The following ARHGAP33 variants were observed in gnomAD, a reference collection of about 807,000 sequenced individuals.
ARHGAP33 encodes the protein Rho GTPase activating protein 33.
Under a neutral mutation model 126.2 loss-of-function variants are expected in ARHGAP33, and 57 were observed. The ratio of observed to expected loss-of-function variants is 0.45; its 90% CI spans 0.36 to 0.56. The LOEUF (loss-of-function observed/expected upper bound fraction) is 0.56. Ranked by LOEUF, ARHGAP33 falls within the 20% of genes least tolerant of loss-of-function variation. ARHGAP33 has a pLI of 0.00. For missense variants in ARHGAP33, 1,500 were observed against 1,748.3 expected (o/e 0.86, Z 2.53); for synonymous variants, 711 against 755.0 (o/e 0.94, Z 0.95).
Position 35,787,786 on chromosome 19 carries a change from G to C in ARHGAP33, c.3221G>C (p.Gly1074Ala). Residue 1074 changes from glycine to alanine, a missense_variant, in exon 21 of 21, where the codon GGC (glycine) becomes GCC (alanine). Physicochemically the swap from Gly to Ala is moderately conservative, Grantham distance 60. Around this residue, in one of 6 missense-constraint regions of ARHGAP33, gnomAD observed 642 missense variants for 634.0 expected, o/e 1.01. Transcript: ENST00000007510. ...GCCCCAGTCTGGAGGAGCTCTCTGG[G>C]CCCCCCTGCACCACTCGACAGGGGA... ...SPAPVWRSSL[G>A]PPAPLDRGEN... is the part of the protein sequence containing the mutation. 1.9e-6 allele frequency: 3 copies of C among 1,582,470 alleles called. No individual in the cohort carries two copies. Among genetic ancestry groups the C allele is most frequent in the Non-Finnish European group, 2.6e-6 (3 of 1,169,116 alleles).
At chr19:35,785,865 A>G (rs120960) in intron 19 of ARHGAP33, 670,933 of 1,134,302 alleles carry the variant, frequency 0.59, 202,015 homozygotes, top group East Asian at 0.87. Flanking sequence ...CTTGCTTTCC[A>G]GGTCTGATCA....
At chr19:35,780,096 G>C (rs1486190818) in intron 6 of ARHGAP33, 115 bp from the exon 7 acceptor site, 1 of 1,413,820 alleles carries the variant, frequency 7.1e-7, no homozygotes, top group African/African-American at 1.4e-5. Context: ...AGCTCTGAGT[G>C]ACAGGGGCTC....
At position 35,784,446 on chromosome 19, in the gene ARHGAP33, A is replaced by T. The variant is rs2146730635; in HGVS notation, c.1567+129A>T. The T allele has an allele frequency of 2.1e-6, 3 of 1,413,730 alleles. No individual in the cohort carries two copies. The South Asian group carries it at 4.7e-5, about 22-fold the overall frequency. The allele number at this position is 1,413,730 out of a possible 1,614,324, so 87.6% of individuals were successfully genotyped here. ...TGGGCCTCCCTCCGGCTCCTTGAGG[A>T]TCCCGCCCCGGCCTCTCCCTCCCCG... On this transcript the variant is annotated intron_variant, in intron 16 of 20. Transcript: ENST00000007510.
intron 6 of ARHGAP33, chr19:35,779,832 C>A: frequency 2.2e-6 from 1 of 446,336 alleles, no homozygotes; most frequent in Non-Finnish European, 4.5e-6. Flanking sequence ...GCTCACCCTC[C>A]CAAAGTGCTG....
chr19:35,787,655 C>T lies in ARHGAP33; in HGVS notation c.3090C>T (p.Pro1030=), dbSNP rs199649209. 2.6e-4 allele frequency: 422 copies of T among 1,593,088 alleles called. No homozygotes were observed. The highest frequency in any genetic ancestry group is 1.6e-3 in the Admixed American group (84 of 52,646). ...CTGTCCCCTCACAGGTTCCTACCCC[C>T]GGCTTCTTCTCCCCAGCCCCCAGGG... ...PCSVPSQVPT[P]GFFSPAPREC... Residue 1030 remains proline (P), a synonymous_variant, in exon 21 of 21, where the codon CCC becomes CCT. Coordinates refer to ENST00000007510, the MANE Select transcript of ARHGAP33 (RefSeq NM_001366178.1).
In ARHGAP33 at chr19:35,786,166, C is replaced by T; in HGVS notation, c.1943-247C>T. The T allele has an allele frequency of 7.2e-7, 1 of 1,382,502 alleles. No individual in the cohort carries two copies. Among genetic ancestry groups the T allele is most frequent in the South Asian group, 1.8e-5 (1 of 56,138 alleles). The allele number at this position is 1,382,502 out of a possible 1,614,324, so 85.6% of individuals were successfully genotyped here. A position where few individuals can be genotyped will look rare whatever the true frequency, so the allele number is the denominator to read the frequency against. ...ACCCAGGAGCCCAGGTGCTGTCCTG[C>T]TGGCTCAGCAGCTGTATGTGAATCT... On this transcript the variant is annotated intron_variant, in intron 19 of 20. Coordinates refer to ENST00000007510, the MANE Select transcript of ARHGAP33 (RefSeq NM_001366178.1). This position sits in a 1 kb window ranked among gnomAD's most constrained non-coding sequence, Gnocchi z 7.0.
At position 35,775,600 on chromosome 19, in the gene ARHGAP33, C is replaced by G; in HGVS notation, c.-59C>G. 6.8e-7 allele frequency: 1 copy of G among 1,479,730 alleles called. No individual in the cohort carries two copies. The highest frequency in any genetic ancestry group is 8.9e-7 in the Non-Finnish European group (1 of 1,119,582). The allele number at this position is 1,479,730 out of a possible 1,614,324, so 91.7% of individuals were successfully genotyped here. On this transcript the variant is annotated 5_prime_UTR_variant, in exon 1 of 21. Transcript: ENST00000007510. ...TGTGTCGCCATGGCGGCGGCAGCGG[C>G]GACGAGAACGGCGAGCGAGGGGTCG...
chr19:35,778,258 G>C (rs541372672), intron 3 of ARHGAP33, 22 bp from the exon 4 acceptor site: 1 of 1,613,784 alleles, frequency 6.2e-7, no homozygotes, highest in African/African-American at 1.3e-5. Context: ...AAGTCCACCT[G>C]GGCCTTGCTT....
At chr19:35,784,621 C>T in intron 16 of ARHGAP33, 9 of 1,302,292 alleles carry the variant, frequency 6.9e-6, no homozygotes, top group Non-Finnish European at 8.7e-6. Flanking sequence ...GACTTGACCC[C>T]GCCCCGGCCC....
chr19:35,784,703 C>G (rs1972007174), intron 16 of ARHGAP33: 3 of 1,336,032 alleles, frequency 2.2e-6, no homozygotes, highest in African/African-American at 1.6e-5. Context: ...CCCTCTGGCC[C>G]GAGGTAACTG....
Position 35,788,543 on chromosome 19 carries a change from C to A in ARHGAP33, c.*114C>A. 3 of 970,672 alleles carry A rather than the reference C, an allele frequency of 3.1e-6. No homozygotes were observed. The highest frequency in any genetic ancestry group is 1.9e-5 in the South Asian group (1 of 54,040). The allele number at this position is 970,672 out of a possible 1,614,324, so 60.1% of individuals were successfully genotyped here. ...CCCGACCACTACCCCAGGTTTCTAACTTTGTAACTTGCTTCTGATGTGGGT... is the reference window on the plus strand; with the variant it reads ...CCCGACCACTACCCCAGGTTTCTAAATTTGTAACTTGCTTCTGATGTGGGT... On this transcript the variant is annotated 3_prime_UTR_variant, in exon 21 of 21. Transcript: ENST00000007510.
At position 35,777,787 on chromosome 19, in the gene ARHGAP33, T is replaced by C. The variant is rs750578694; in HGVS notation, c.105-37T>C. On this transcript the variant is annotated intron_variant, in intron 2 of 20. Coordinates refer to ENST00000007510, the MANE Select transcript of ARHGAP33 (RefSeq NM_001366178.1). ...GGGCTCAGCTAGGAGCTGGGGAGAC[T>C]CAAGGAGCTGCTGGTGACGCATCCC... The C allele has an allele frequency of 1.9e-5, 30 of 1,613,642 alleles. No individual in the cohort carries two copies. The South Asian group carries it at 3.3e-4, about 18-fold the overall frequency.
Position 35,787,627 on chromosome 19 carries a change from G to A in ARHGAP33, c.3062G>A (p.Cys1021Tyr), listed in dbSNP as rs560310204. 2 of 1,599,186 alleles carry A rather than the reference G, an allele frequency of 1.3e-6. No individual in the cohort carries two copies. The highest frequency in any genetic ancestry group is 1.1e-5 in the South Asian group (1 of 89,222). ...DAPEAAAQSP[C>Y]SVPSQVPTPG... ...CCAGAGGCAGCAGCCCAGTCCCCATGTTCTGTCCCCTCACAGGTTCCTACC... is the reference window on the plus strand; with the variant it reads ...CCAGAGGCAGCAGCCCAGTCCCCATATTCTGTCCCCTCACAGGTTCCTACC... The change falls in exon 21 of 21, where the codon TGT (cysteine) becomes TAT (tyrosine). Residue 1021 changes from cysteine to tyrosine, a missense_variant. Transcript: ENST00000007510.
rs760556670 is a variant in ARHGAP33 at position 35,782,344 on chromosome 19, C to T, written c.1086-29C>T. On this transcript the variant is annotated intron_variant, in intron 12 of 20. Coordinates refer to ENST00000007510, the MANE Select transcript of ARHGAP33 (RefSeq NM_001366178.1). The surrounding 1 kb of genome is among the most constrained non-coding windows in gnomAD (Gnocchi z 4.1). ...GTGAGCGAGCCCCTCTGACCTGGAT[C>T]TTCCTCCTCCTTGACACGGTGGTCT... 5.7e-6 allele frequency: 9 copies of T among 1,588,468 alleles called. No individual in the cohort carries two copies. In the East Asian group the frequency reaches 1.8e-4, roughly 32 times the overall value.
At position 35,784,983 on chromosome 19, in the gene ARHGAP33, T is replaced by A; in HGVS notation, c.1598T>A (p.Leu533His). Residue 533 changes from leucine (L) to histidine (H), a missense_variant, in exon 17 of 21, where the codon CTT becomes CAT. Leu to His is a moderately conservative substitution (Grantham distance 99). Around this residue, in one of 6 missense-constraint regions of ARHGAP33, gnomAD observed 300 missense variants for 291.1 expected, o/e 1.03. Coordinates refer to ENST00000007510, the MANE Select transcript of ARHGAP33 (RefSeq NM_001366178.1). ...GRCLLPRPKSLAGSCPSTRLL... is the reference protein window; with the variant it reads ...GRCLLPRPKSHAGSCPSTRLL... ...TGCCTGCTCCCCAGGCCCAAGTCCC[T>A]TGCGGGCAGCTGCCCCTCCACCCGC... 6.5e-7 allele frequency: 1 copy of A among 1,545,404 alleles called. No homozygotes were observed. Among genetic ancestry groups the A allele is most frequent in the Non-Finnish European group, 8.7e-7 (1 of 1,146,730 alleles).
chr19:35,787,415 GCCACCTC>G lies in ARHGAP33; in HGVS notation c.2854_2860del (p.Pro952ThrfsTer3). 1 of 1,610,698 alleles carries G rather than the reference GCCACCTC, an allele frequency of 6.2e-7. No individual in the cohort carries two copies. On this transcript the variant is annotated frameshift_variant, in exon 21 of 21. Transcript: ENST00000007510. LOFTEE classifies it high-confidence loss of function. The stretch of plus-strand genomic sequence containing the variant: ...AGCCCCTGGGGACCTCAGGGAGTGG[GCCACCTC>G]CCAACTCCCTAGCACACCCGGGTGC...
At chr19:35,775,805 C>A in intron 1 of ARHGAP33, 141 bp downstream of exon 1, 1 of 832,690 alleles carries the variant, frequency 1.2e-6, no homozygotes, top group Non-Finnish European at 1.7e-6. Flanking sequence ...TCCTGCGGCC[C>A]CATCCCGGGT....
intron 1 of ARHGAP33, 147 bp downstream of exon 1, chr19:35,775,811 C>T (rs1034104843): frequency 8.9e-6 from 7 of 782,460 alleles, no homozygotes; most frequent in Middle Eastern, 4.0e-4. Context: ...GGCCCCATCC[C>T]GGGTCCCAGC....
At position 35,777,662 on chromosome 19, in the gene ARHGAP33, C is replaced by G; in HGVS notation, c.24C>G (p.Ser8Arg). 1 of 1,577,536 alleles carries G rather than the reference C, an allele frequency of 6.3e-7. No individual in the cohort carries two copies. Among genetic ancestry groups the G allele is most frequent in the Non-Finnish European group, 8.6e-7 (1 of 1,161,152 alleles). Residue 8 changes from serine (S) to arginine (R), a missense_variant, in exon 2 of 21, where the codon AGC becomes AGG. Transcript: ENST00000007510. MVARSTD[S>R]LDGPGEGSVQ... ...CTCTACAGGCACGCAGCACTGACAG[C>G]CTGGATGGCCCAGGGGAGGGCTCGG...
Sources: allele counts gnomAD v4.1 joint callset, GRCh38; gene constraint gnomAD v4.1.1; regional missense constraint gnomAD v4.1.1; non-coding constraint Gnocchi (gnomAD v3.1); transcripts MANE v1.5; gene names NCBI Gene and HGNC (gene_info 2026-07-23, HGNC 2026-07-21).